The following TRMT11 variants were observed in gnomAD, a reference collection of about 807,000 sequenced individuals.
TRMT11 encodes tRNA methyltransferase 11.
Under a neutral mutation model 62.8 loss-of-function variants are expected in TRMT11, and 53 were observed. The observed-to-expected ratio is 0.84, with a 90% confidence interval of 0.68 to 1.06. The LOEUF is 1.06. TRMT11 is among the 50% of genes least tolerant of loss of function. TRMT11 has a pLI of 0.00. For missense variants in TRMT11, 556 were observed against 553.4 expected, an observed-to-expected ratio of 1.00 and a Z score of -0.05; for synonymous variants, 188 against 190.3, an observed-to-expected ratio of 0.99 and a Z score of 0.10.
chr6:126,134,104 A>G (rs533395119), intron 21 of TRMT11, among the ~76,000 whole-genome samples: 1 of 152,060 alleles, frequency 6.6e-6, no homozygotes, highest in East Asian at 1.9e-4. Flanking sequence ...GTATTAGACA[A>G]CAATTAGTAA....
chr6:126,063,358 A>G (rs1467305606), intron 17 of TRMT11, among the ~76,000 whole-genome samples: 1 of 152,256 alleles, frequency 6.6e-6, no homozygotes, highest in African/African-American at 2.4e-5. Context: ...CATGCAGAGT[A>G]GTATAGAAAA....
At chr6:125,989,391 AG>A (rs1790241720) in intron 1 of TRMT11, among the ~76,000 whole-genome samples, 1 of 152,138 alleles carries the variant, frequency 6.6e-6, no homozygotes, top group Non-Finnish European at 1.5e-5. Context: ...CTGGGATTAC[AG>A]GCATGAGCCA....
At chr6:126,224,087 T>C in the TRMT11 span, among the ~76,000 whole-genome samples, 224 of 152,342 alleles carry the variant, frequency 1.5e-3, 3 homozygotes, top group East Asian at 0.038. Flanking sequence ...GGTTTCAACT[T>C]TCTCCTCAAT....
At chr6:126,016,494 A>G (rs997129668) in intron 11 of TRMT11, among the ~76,000 whole-genome samples, 1 of 152,114 alleles carries the variant, frequency 6.6e-6, no homozygotes, top group African/African-American at 2.4e-5. Flanking sequence ...GTGGTTGAGA[A>G]TTTATTTTGG....
At chr6:126,014,376 G>A (rs1332360441) in intron 11 of TRMT11, among the ~76,000 whole-genome samples, 5 of 152,000 alleles carry the variant, frequency 3.3e-5, no homozygotes, top group African/African-American at 1.2e-4. Flanking sequence ...TCAGCCTTCC[G>A]AGTAGCTGGG....
chr6:126,218,940 A>G, the TRMT11 span, among the ~76,000 whole-genome samples: 1 of 152,128 alleles, frequency 6.6e-6, no homozygotes. Context: ...CTCTCCAGGC[A>G]CCAGCTGAGT....
Position 126,091,230 on chromosome 6 carries a change from G to A in TRMT11, c.*1438-21636G>A, listed in dbSNP as rs532212185. 3.3e-5 allele frequency among the ~76,000 whole-genome samples: 5 copies of A among 151,576 alleles called. No individual in the cohort carries two copies. In the South Asian group the frequency reaches 6.3e-4, roughly 19 times the overall value. ...AAAAAAAAAAAAAAAATTTAGCTTA[G>A]AGCTGCCTTCTTACATATTTTAAGT... is the stretch of plus-strand genomic sequence containing the variant. On this transcript the variant is annotated intron_variant and NMD_transcript_variant, in intron 17 of 22. Coordinates refer to the TRMT11 transcript ENST00000648977.
intron 21 of TRMT11, among the ~76,000 whole-genome samples, chr6:126,131,712 T>G (rs1777785512): frequency 6.6e-6 from 1 of 152,084 alleles, no homozygotes; most frequent in Admixed American, 6.6e-5. Context: ...GCAATTTATA[T>G]AATTTTTTTA....
intron 3 of TRMT11, chr6:126,200,021 A>G (rs568904129): frequency 3.9e-5 from 6 of 152,230 alleles, no homozygotes; most frequent in African/African-American, 1.2e-4. Flanking sequence ...GTGTCCAGAG[A>G]TAAGAGCAAT....
At chr6:126,139,560 G>A (rs1045711035) in intron 21 of TRMT11, among the ~76,000 whole-genome samples, 1 of 151,812 alleles carries the variant, frequency 6.6e-6, no homozygotes, top group African/African-American at 2.4e-5. Flanking sequence ...GTAGAGATGG[G>A]GTTTCACCAT....
At chr6:126,244,592 G>T in the TRMT11 span, among the ~76,000 whole-genome samples, 22 of 152,172 alleles carry the variant, frequency 1.4e-4, no homozygotes, top group Non-Finnish European at 1.6e-4. Context: ...GACTGTCAGA[G>T]ATACACGTAT....
At chr6:126,139,793 A>C (rs1777895735) in intron 21 of TRMT11, among the ~76,000 whole-genome samples, 1 of 152,086 alleles carries the variant, frequency 6.6e-6, no homozygotes, top group Non-Finnish European at 1.5e-5. Context: ...TACCTTGCTA[A>C]ACTTTCTAAT....
At chr6:126,116,912 C>A (rs2128192571) in intron 21 of TRMT11, among the ~76,000 whole-genome samples, 1 of 152,182 alleles carries the variant, frequency 6.6e-6, no homozygotes, top group East Asian at 1.9e-4. Context: ...TATTAGCTCT[C>A]TTTTTGGAGA....
At chr6:126,271,363 C>CAAAAAAAAAAAAAAAAAA in the TRMT11 span, among the ~76,000 whole-genome samples, 3 of 36,274 alleles carry the variant, frequency 8.3e-5, no homozygotes, top group African/African-American at 3.1e-4. Flanking sequence ...GACTCCATCT[C>CAAAAAAAAAAAAAAAAAA]AAAAAAAAAA....
Position 125,993,796 on chromosome 6 carries a change from G to T in TRMT11, c.112G>T (p.Ala38Ser). ...SLLLLFGGQF[A>S]SSQETYGKSP... ...GCTTTTGCTTTTTGGAGGTCAGTTTGCCAGCAGTCAAGAAACTTATGGAAA... is the reference window on the plus strand; with the variant it reads ...GCTTTTGCTTTTTGGAGGTCAGTTTTCCAGCAGTCAAGAAACTTATGGAAA... The change falls in exon 2 of 13, where the codon GCC (alanine) becomes TCC (serine). Residue 38 changes from alanine to serine, a missense_variant. Transcript: ENST00000334379. The T allele has an allele frequency of 6.2e-7, 1 of 1,610,774 alleles. No individual in the cohort carries two copies. The highest frequency in any genetic ancestry group is 2.2e-5 in the East Asian group (1 of 44,648).
the TRMT11 span, among the ~76,000 whole-genome samples, chr6:126,209,716 G>A: frequency 6.6e-6 from 1 of 151,924 alleles, no homozygotes; most frequent in Non-Finnish European, 1.5e-5. Context: ...AGACAGCGGC[G>A]AGACTCCATC....
chr6:126,237,268 C>G, the TRMT11 span, among the ~76,000 whole-genome samples: 3 of 152,194 alleles, frequency 2.0e-5, no homozygotes, highest in African/African-American at 7.2e-5. Flanking sequence ...GAAAAAGACT[C>G]TCTCTCTAGG....
chr6:126,076,371 T>C (rs79896297), intron 17 of TRMT11, among the ~76,000 whole-genome samples: 3,736 of 152,256 alleles, frequency 0.025, 69 homozygotes, highest in Non-Finnish European at 0.036. Context: ...CATCAGTGAA[T>C]GTGTCCTTTG....
At chr6:126,127,625 G>T (rs551323624) in intron 21 of TRMT11, among the ~76,000 whole-genome samples, 1 of 151,532 alleles carries the variant, frequency 6.6e-6, no homozygotes, top group Admixed American at 6.6e-5. Flanking sequence ...TTTAACATTA[G>T]GTATATCTCC....
Sources: allele counts gnomAD v4.1 joint callset (sites outside exome capture counted in the v4.1 genomes callset), GRCh38; gene constraint gnomAD v4.1.1; transcripts MANE v1.5; gene names NCBI Gene and HGNC (gene_info 2026-07-23, HGNC 2026-07-21).